Variants in GIPC2 observed in about 807,000 individuals in gnomAD.
The protein encoded by GIPC2 is PDZ domain-containing protein GIPC2.
Under a neutral mutation model 30.6 loss-of-function variants are expected in GIPC2, and 30 were observed. That is an observed-to-expected ratio of 0.98 (90% CI 0.73 to 1.33). GIPC2 has a LOEUF of 1.33. Among genes scored for constraint, GIPC2 ranks in the 40% most tolerant of loss-of-function variants. GIPC2 has a pLI of 0.00. For missense variants in GIPC2, 414 were observed against 390.3 expected, an observed-to-expected ratio of 1.06 and a Z score of -0.51; for synonymous variants, 167 against 150.0, an observed-to-expected ratio of 1.11 and a Z score of -0.83.
chr1:78,103,399 A>G (rs1029850435), intron 3 of GIPC2, among the ~76,000 whole-genome samples: 1 of 152,174 alleles, frequency 6.6e-6, no homozygotes, highest in Non-Finnish European at 1.5e-5. Context: ...ACTTACCCAT[A>G]AAGTATTTTG....
intron 4 of GIPC2, among the ~76,000 whole-genome samples, chr1:78,122,071 G>A (rs1279723081): frequency 6.6e-6 from 1 of 152,204 alleles, no homozygotes; most frequent in East Asian, 1.9e-4. Context: ...ACCTGCTGTG[G>A]CAAAGGTGCC....
chr1:78,103,782 A>G (rs527504011), intron 3 of GIPC2, among the ~76,000 whole-genome samples: 26 of 152,352 alleles, frequency 1.7e-4, no homozygotes, highest in Admixed American at 3.3e-4. Context: ...AGAGAGTGAT[A>G]GGGATTGAGA....
intron 1 of GIPC2, among the ~76,000 whole-genome samples, chr1:78,056,418 C>T (rs1361183159): frequency 6.6e-6 from 1 of 152,058 alleles, no homozygotes; most frequent in African/African-American, 2.4e-5. Context: ...GTGGAGGTTG[C>T]AGTGAGCTGA....
chr1:78,070,359 A>G (rs1661594769), intron 1 of GIPC2, among the ~76,000 whole-genome samples: 1 of 152,210 alleles, frequency 6.6e-6, no homozygotes, highest in Admixed American at 6.5e-5. Context: ...GGAGGCTTTT[A>G]AGAAGATAAG....
intron 3 of GIPC2, among the ~76,000 whole-genome samples, chr1:78,096,932 G>A (rs1662148279): frequency 6.6e-6 from 1 of 152,178 alleles, no homozygotes; most frequent in Non-Finnish European, 1.5e-5. Flanking sequence ...TTTCTGTGCT[G>A]TGGATTGATT....
At chr1:78,109,238 A>G (rs1662417706) in intron 3 of GIPC2, among the ~76,000 whole-genome samples, 2 of 152,204 alleles carry the variant, frequency 1.3e-5, no homozygotes, top group Non-Finnish European at 2.9e-5. Context: ...CTTTAGTCAC[A>G]TGCTTGCCTC....
chr1:78,131,713 A>G (rs937135521), intron 5 of GIPC2, among the ~76,000 whole-genome samples: 3 of 152,226 alleles, frequency 2.0e-5, no homozygotes, highest in African/African-American at 7.2e-5. Flanking sequence ...TATCCTGTAA[A>G]GATGTCTTAA....
chr1:78,116,567 C>T (rs1662570630), intron 3 of GIPC2, among the ~76,000 whole-genome samples: 1 of 151,610 alleles, frequency 6.6e-6, no homozygotes, highest in African/African-American at 2.4e-5. Flanking sequence ...CAAGTGTTCT[C>T]ATTGTTCAAT....
chr1:78,060,384 A>G (rs567186540), intron 1 of GIPC2, among the ~76,000 whole-genome samples: 1 of 152,236 alleles, frequency 6.6e-6, no homozygotes, highest in Non-Finnish European at 1.5e-5. Context: ...AGCTCAAGCA[A>G]TTCTCCTGCC....
intron 3 of GIPC2, among the ~76,000 whole-genome samples, chr1:78,099,439 CTT>C (rs1662198307): frequency 6.7e-6 from 1 of 149,602 alleles, no homozygotes; most frequent in African/African-American, 2.5e-5. Flanking sequence ...TTTCTTTTCT[CTT>C]TCTTTTTTTT....
At chr1:78,118,122 C>G (rs1662603946) in intron 3 of GIPC2, among the ~76,000 whole-genome samples, 1 of 151,524 alleles carries the variant, frequency 6.6e-6, no homozygotes, top group South Asian at 2.1e-4. Flanking sequence ...GGAATTTCAC[C>G]CTGTTGCCCA....
At chr1:78,096,764 C>A (rs984911474) in intron 3 of GIPC2, among the ~76,000 whole-genome samples, 5 of 152,072 alleles carry the variant, frequency 3.3e-5, no homozygotes, top group African/African-American at 1.2e-4. Context: ...TGCAAAGTAC[C>A]CTGAGTAGGA....
intron 1 of GIPC2, among the ~76,000 whole-genome samples, chr1:78,049,504 A>G (rs1661155783): frequency 6.6e-6 from 1 of 152,194 alleles, no homozygotes; most frequent in African/African-American, 2.4e-5. Context: ...TGCCCCCCTT[A>G]ATGGGATTGA....
intron 5 of GIPC2, among the ~76,000 whole-genome samples, chr1:78,130,925 T>C (rs1458790969): frequency 6.6e-6 from 1 of 152,152 alleles, no homozygotes; most frequent in East Asian, 1.9e-4. Context: ...GTAAATGTAG[T>C]CCAGTGGCAG....
intron 1 of GIPC2, among the ~76,000 whole-genome samples, chr1:78,055,260 T>A (rs931345849): frequency 3.9e-5 from 6 of 152,136 alleles, no homozygotes; most frequent in Non-Finnish European, 8.8e-5. Context: ...TTGACCCTCA[T>A]GACCCAGTCA....
rs570063297 is a variant in GIPC2 at position 78,080,695 on chromosome 1, C to T, written c.261C>T (p.Asn87=). The change falls in exon 2 of 6, where the codon AAC becomes AAT. Residue 87 remains asparagine, a synonymous_variant. Coordinates refer to ENST00000370759, the MANE Select transcript of GIPC2 (RefSeq NM_017655.6). ...SPSEILYCTL[N]TPKIDMERLL... is the part of the protein sequence containing the mutation. ...TGCAGATCTTATATTGCACTTTAAA[C>T]ACACCTAAAATTGACATGGAAAGAC... is the stretch of plus-strand genomic sequence containing the variant. 123 of 1,603,286 alleles carry T rather than the reference C, an allele frequency of 7.7e-5. 1 individual carries two copies. The South Asian group carries it at 1.2e-3, about 16-fold the overall frequency.
chr1:78,123,845 A>G (rs757648819), intron 4 of GIPC2, among the ~76,000 whole-genome samples: 3 of 152,266 alleles, frequency 2.0e-5, no homozygotes, highest in Admixed American at 6.5e-5. Flanking sequence ...TAATTTGCAT[A>G]GCCTGTTGCT....
rs1017921784 is a variant in GIPC2 at position 78,122,610 on chromosome 1, C to T, written c.714+3111C>T. ...TCTTGTGAGAACTCCCTCACTATCACGAGAACAGCCTGGGGGAAACCACCT... is the reference window on the plus strand; with the variant it reads ...TCTTGTGAGAACTCCCTCACTATCATGAGAACAGCCTGGGGGAAACCACCT... On this transcript the variant is annotated intron_variant, in intron 4 of 5. Transcript: ENST00000370759. Among the ~76,000 whole-genome samples, 7 of 152,132 alleles carry T rather than the reference C, an allele frequency of 4.6e-5. No homozygotes were observed. In the East Asian group the frequency reaches 7.7e-4, roughly 17 times the overall value.
chr1:78,086,878 G>A (rs546027176), intron 2 of GIPC2, among the ~76,000 whole-genome samples: 4 of 152,108 alleles, frequency 2.6e-5, no homozygotes, highest in African/African-American at 9.6e-5. Context: ...TTGGGTCTTG[G>A]TTCTTTATCC....
Sources: allele counts gnomAD v4.1 joint callset (sites outside exome capture counted in the v4.1 genomes callset), GRCh38; gene constraint gnomAD v4.1.1; transcripts MANE v1.5; gene names NCBI Gene and HGNC (gene_info 2026-07-23, HGNC 2026-07-21).